RPH3AL: variants seen among roughly 807,000 people sequenced by gnomAD.
RPH3AL encodes the protein rabphilin 3A like (without C2 domains), also known as rab effector Noc2.
RPH3AL carries 38 observed loss-of-function variants against 43.1 expected under a neutral mutation model. The observed-to-expected ratio is 0.88, with a 90% CI of 0.68 to 1.15. The LOEUF (loss-of-function observed/expected upper bound fraction) is 1.15. RPH3AL is among the 50% of genes most tolerant of loss of function. The pLI, the probability that RPH3AL is intolerant of heterozygous loss-of-function variation, is 0.00. For missense variants in RPH3AL, 462 were observed against 423.2 expected (o/e 1.09, Z -0.81); for synonymous variants, 189 against 176.3 (o/e 1.07, Z -0.57).
Position 215,788 on chromosome 17 carries a change from C to A in RPH3AL, c.742G>T (p.Ala248Ser). The A allele has an allele frequency of 7.7e-7, 1 of 1,303,422 alleles. No homozygotes were observed. The highest frequency in any genetic ancestry group is 2.9e-4 in the Middle Eastern group (1 of 3,442). 80.7% of individuals were successfully genotyped at this position (1,303,422 alleles called of 1,614,324 possible). ...PWKESGGSVEAPRMGFTHPPG... is the reference protein window; with the variant it reads ...PWKESGGSVESPRMGFTHPPG... ...GGGTGGGTGAACCCCATCCTGGGGG[C>A]CTCCACGCTGCCACCTGTGGGAAAT... is the stretch of plus-strand genomic sequence containing the variant. Residue 248 changes from alanine (A) to serine (S), a missense_variant, in exon 9 of 10, where the codon GCC becomes TCC. Transcript: ENST00000331302. The surrounding 1 kb of genome is among the most constrained non-coding windows in gnomAD (Gnocchi z 4.1).
rs542728995 is a variant in RPH3AL at position 296,183 on chromosome 17, G to A, written c.352-14329C>T. ...GGAGCTGCAGACATGAACGGGCAGA[G>A]GGAATGCACATCGGTGTGGGAGGGA... On this transcript the variant is annotated intron_variant, in intron 5 of 9. Coordinates refer to ENST00000331302, the MANE Select transcript of RPH3AL (RefSeq NM_006987.4). Among the ~76,000 whole-genome samples the A allele has an allele frequency of 5.4e-4, 69 of 128,920 alleles. 6 individuals are homozygous for A. The highest frequency in any genetic ancestry group is 1.8e-3 in the African/African-American group (61 of 33,594). The allele number at this position is 128,920 out of a possible 152,430, so 84.6% of individuals were successfully genotyped here.
chr17:232,829 C>CGTGTGTGTGTGTGTGT (rs71143481), intron 7 of RPH3AL, among the ~76,000 whole-genome samples: 19 of 119,416 alleles, frequency 1.6e-4, no homozygotes, highest in Non-Finnish European at 2.3e-4. Flanking sequence ...TCCTTTCCGG[C>CGTGTGTGTGTGTGTGT]GTGTGTGTGT....
In RPH3AL at chr17:322,359, A is replaced by C. The variant is rs1356168240; in HGVS notation, c.78-944T>G. 2 of 152,292 alleles carry C rather than the reference A, an allele frequency of 1.3e-5. No individual in the cohort carries two copies. The highest frequency in any genetic ancestry group is 2.9e-5 in the Non-Finnish European group (2 of 68,076). The allele number at this position is 152,292 out of a possible 1,614,324, so 9.4% of individuals were successfully genotyped here. A position where few individuals can be genotyped will look rare whatever the true frequency, so the allele number is the denominator to read the frequency against. On this transcript the variant is annotated intron_variant, in intron 3 of 9. Transcript: ENST00000331302. This position sits in a 1 kb window ranked among gnomAD's most constrained non-coding sequence, Gnocchi z 4.0. ...CCGTGCCTGTGACATTGCTGTGTGC[A>C]GAGATGAACGAGACGGGAAAAGCCA...
intron 5 of RPH3AL, among the ~76,000 whole-genome samples, chr17:304,836 A>C (rs77845261): frequency 0.12 from 17,650 of 148,486 alleles, 1,117 homozygotes; most frequent in Admixed American, 0.15. Context: ...AATGATTTAA[A>C]ACCTGTTTCT....
At chr17:244,395 TG>T (rs1156882169) in intron 7 of RPH3AL, among the ~76,000 whole-genome samples, 2 of 144,830 alleles carry the variant, frequency 1.4e-5, no homozygotes, top group African/African-American at 5.1e-5. Context: ...CTAAGAGATG[TG>T]GGATGTAGGG....
rs760873882 is a variant in RPH3AL at position 247,235 on chromosome 17, G to A, written c.489C>T (p.Ile163=). The change falls in exon 7 of 10, where the codon ATC becomes ATT. Residue 163 remains isoleucine (I), a synonymous_variant. Coordinates refer to ENST00000331302, the MANE Select transcript of RPH3AL (RefSeq NM_006987.4). ...AWFYKGLPKY[I]LPLKTPGRAD... ...CTCGGCCAGGGGTCTTCAGGGGCAA[G>A]ATATACTTGGGGAGCCCTTTGTAGA... 2.5e-6 allele frequency: 4 copies of A among 1,611,528 alleles called. No homozygotes were observed. The Admixed American group carries it at 6.7e-5, about 27-fold the overall frequency.
intron 4 of RPH3AL, among the ~76,000 whole-genome samples, chr17:321,027 G>C (rs1054006854): frequency 6.6e-6 from 1 of 152,210 alleles, no homozygotes; most frequent in Non-Finnish European, 1.5e-5. Context: ...CCCTCAGCAT[G>C]GGGCGCACAG....
At chr17:332,394 C>A (rs564381845) in intron 2 of RPH3AL, 2 of 173,404 alleles carry the variant, frequency 1.2e-5, no homozygotes, top group African/African-American at 2.4e-5. Context: ...CCCAGGAGCC[C>A]GCCCAGAAGT....
chr17:314,897 A>G (rs2043870225), intron 5 of RPH3AL, among the ~76,000 whole-genome samples: 1 of 132,588 alleles, frequency 7.5e-6, no homozygotes, highest in Non-Finnish European at 1.5e-5. Context: ...TCTGTGCTCC[A>G]CCTCCATTGA....
At chr17:262,230 T>C (rs1200904446) in intron 6 of RPH3AL, among the ~76,000 whole-genome samples, 1 of 152,106 alleles carries the variant, frequency 6.6e-6, no homozygotes, top group Non-Finnish European at 1.5e-5. Flanking sequence ...GTTTACAGTT[T>C]TTTTTTTAGA....
At position 225,487 on chromosome 17, in the gene RPH3AL, T is replaced by C. The variant is rs2041087637; in HGVS notation, c.614-5751A>G. Among the ~76,000 whole-genome samples the C allele has an allele frequency of 6.6e-6, 1 of 152,042 alleles. No homozygotes were observed. The highest frequency in any genetic ancestry group is 2.4e-5 in the African/African-American group (1 of 41,402). ...CCTCATGGGTCCCATGAAAAAGGGA[T>C]AGGAGGAGGTGGGAAGGAGCCAGGG... On this transcript the variant is annotated intron_variant, in intron 7 of 9. Coordinates refer to ENST00000331302, the MANE Select transcript of RPH3AL (RefSeq NM_006987.4). This position sits in a 1 kb window ranked among gnomAD's most constrained non-coding sequence, Gnocchi z 4.4.
rs933371502 is a variant in RPH3AL at position 322,374 on chromosome 17, G to A, written c.78-959C>T. 8.5e-5 allele frequency: 13 copies of A among 152,218 alleles called. No individual in the cohort carries two copies. Among genetic ancestry groups the A allele is most frequent in the South Asian group, 2.1e-4 (1 of 4,830 alleles). The allele number at this position is 152,218 out of a possible 1,614,324, so 9.4% of individuals were successfully genotyped here. On this transcript the variant is annotated intron_variant, in intron 3 of 9. Transcript: ENST00000331302. This position sits in a 1 kb window ranked among gnomAD's most constrained non-coding sequence, Gnocchi z 4.0. ...TGCTGTGTGCAGAGATGAACGAGAC[G>A]GGAAAAGCCACTGCACCCTGAAGAA... is the stretch of plus-strand genomic sequence containing the variant.
At chr17:260,204 A>G (rs114873162) in intron 6 of RPH3AL, among the ~76,000 whole-genome samples, 1,773 of 152,254 alleles carry the variant, frequency 0.012, 31 homozygotes, top group African/African-American at 0.04. Flanking sequence ...GCCTTTCATC[A>G]GCATCTCTAA....
At chr17:324,002 C>A (rs908633481) in intron 3 of RPH3AL, among the ~76,000 whole-genome samples, 50 of 151,640 alleles carry the variant, frequency 3.3e-4, no homozygotes, top group African/African-American at 1.2e-3. Flanking sequence ...CCCTCAGTCA[C>A]CCTGCAAGGC....
intron 6 of RPH3AL, among the ~76,000 whole-genome samples, chr17:275,247 AACAAAAAAAG>A (rs1567607062): frequency 3.3e-5 from 3 of 90,630 alleles, no homozygotes. Context: ...AAAAACAAAA[AACAAAAAAAG>A]GAGAGTAACC....
At chr17:268,548 T>C (rs927228274) in intron 6 of RPH3AL, among the ~76,000 whole-genome samples, 15 of 140,188 alleles carry the variant, frequency 1.1e-4, no homozygotes, top group Non-Finnish European at 1.8e-4. Context: ...TAAGTATGTT[T>C]TTGGGTTTTT....
At chr17:241,938 G>C (rs150276301) in intron 7 of RPH3AL, among the ~76,000 whole-genome samples, 1 of 151,960 alleles carries the variant, frequency 6.6e-6, no homozygotes, top group Non-Finnish European at 1.5e-5. Flanking sequence ...CCAATATGGC[G>C]AAACCCCGTC....
intron 6 of RPH3AL, among the ~76,000 whole-genome samples, chr17:273,096 T>TCAGGGAGAGACCCCAGCGAGGGC (rs2042546155): frequency 2.7e-4 from 4 of 14,938 alleles, no homozygotes; most frequent in African/African-American, 9.4e-4. Flanking sequence ...CCAGCGAGGG[T>TCAGGGAGAGACCCCAGCGAGGGC]GACGTCAGGG....
At chr17:310,058 G>C (rs527653552) in intron 5 of RPH3AL, among the ~76,000 whole-genome samples, 44 of 151,882 alleles carry the variant, frequency 2.9e-4, no homozygotes, top group Admixed American at 2.1e-3. Flanking sequence ...AAAAAAAAAC[G>C]ACTGCTTCCC....
Sources: allele counts gnomAD v4.1 joint callset (sites outside exome capture counted in the v4.1 genomes callset), GRCh38; gene constraint gnomAD v4.1.1; non-coding constraint Gnocchi (gnomAD v3.1); transcripts MANE v1.5; gene names NCBI Gene and HGNC (gene_info 2026-07-23, HGNC 2026-07-21).